The following PLEKHM3 variants were observed in gnomAD, a reference collection of about 807,000 sequenced individuals.
PLEKHM3 encodes pleckstrin homology domain-containing family M member 3.
Under a neutral mutation model 81.8 loss-of-function variants are expected in PLEKHM3, and 45 were observed. That is an observed-to-expected ratio of 0.55 (90% confidence interval 0.43 to 0.71). The LOEUF (loss-of-function observed/expected upper bound fraction) is 0.71. Among genes scored for constraint, PLEKHM3 ranks in the 30% least tolerant of loss-of-function variants. The pLI is 0.00. For synonymous variants in PLEKHM3, 352 were observed against 356.4 expected, an observed-to-expected ratio of 0.99 and a Z score of 0.14; for missense variants, 788 against 924.3, an observed-to-expected ratio of 0.85 and a Z score of 1.91.
At chr2:208,011,064 C>CAAAAAAAA (rs10587149) in intron 1 of PLEKHM3, among the ~76,000 whole-genome samples, 28 of 64,986 alleles carry the variant, frequency 4.3e-4, no homozygotes, top group East Asian at 9.7e-4. Flanking sequence ...TGGCCATAAT[C>CAAAAAAAA]AAAAAAAAAA....
intron 5 of PLEKHM3, among the ~76,000 whole-genome samples, chr2:207,909,142 T>A (rs533864902): frequency 6.6e-6 from 1 of 152,200 alleles, no homozygotes; most frequent in Non-Finnish European, 1.5e-5. Context: ...TGTACAGTGA[T>A]GGCAATTTTA....
At chr2:207,972,804 G>A (rs372091955) in intron 3 of PLEKHM3, among the ~76,000 whole-genome samples, 13 of 152,042 alleles carry the variant, frequency 8.6e-5, no homozygotes, top group African/African-American at 2.9e-4. Context: ...ATTTTTTTCT[G>A]CAGGGCTGTT....
At chr2:207,861,821 G>A (rs2092469026) in intron 6 of PLEKHM3, among the ~76,000 whole-genome samples, 1 of 152,062 alleles carries the variant, frequency 6.6e-6, no homozygotes, top group African/African-American at 2.4e-5. Context: ...CAGCCTGTAG[G>A]TTTTTTTCTT....
At chr2:207,946,094 T>TA (rs1442168252) in intron 4 of PLEKHM3, among the ~76,000 whole-genome samples, 1 of 152,150 alleles carries the variant, frequency 6.6e-6, no homozygotes, top group Non-Finnish European at 1.5e-5. Flanking sequence ...TAAAAAATAA[T>TA]AAAAGAGGCT....
At chr2:207,860,956 G>A (rs2092464091) in intron 7 of PLEKHM3, 149 bp downstream of exon 7, 4 of 882,338 alleles carry the variant, frequency 4.5e-6, no homozygotes, top group Non-Finnish European at 5.1e-6. Flanking sequence ...GAAACCAAAG[G>A]GGGAAACATG....
chr2:207,865,796 AAAAAAAGATATATATATATATAT>A (rs2092493828), intron 6 of PLEKHM3, among the ~76,000 whole-genome samples: 1 of 45,444 alleles, frequency 2.2e-5, no homozygotes, highest in African/African-American at 1.1e-4. Flanking sequence ...AAAAAAAAAA[AAAAAAAGATATATATATATATAT>A]ATATATATAT....
Position 207,843,607 on chromosome 2 carries a change from C to T in PLEKHM3, c.2109-15111G>A, listed in dbSNP as rs1317896278. ...CACCGAAGAGGTTGTTACCTCAGGCCTCTGAGCTCATTCCACGCTGCCTCC... is the reference window on the plus strand; with the variant it reads ...CACCGAAGAGGTTGTTACCTCAGGCTTCTGAGCTCATTCCACGCTGCCTCC... On this transcript the variant is annotated intron_variant, in intron 7 of 7. Transcript: ENST00000427836. This position sits in a 1 kb window ranked among gnomAD's most constrained non-coding sequence, Gnocchi z 4.4. Among the ~76,000 whole-genome samples, 1 of 152,128 alleles carries T rather than the reference C, an allele frequency of 6.6e-6. No individual in the cohort carries two copies. The highest frequency in any genetic ancestry group is 1.5e-5 in the Non-Finnish European group (1 of 68,036).
chr2:207,946,281 T>C (rs1559250139), intron 4 of PLEKHM3, 86 bp downstream of exon 4: 1 of 1,449,380 alleles, frequency 6.9e-7, no homozygotes, highest in African/African-American at 1.4e-5. Flanking sequence ...TGCTTCAAAT[T>C]GTTTGATCAC....
At chr2:207,834,150 CAG>C (rs2092304253) in intron 7 of PLEKHM3, among the ~76,000 whole-genome samples, 1 of 138,718 alleles carries the variant, frequency 7.2e-6, no homozygotes, top group Non-Finnish European at 1.5e-5. Context: ...TTTTTTGAGA[CAG>C]AGTTTTTGCT....
At chr2:208,023,621 G>A (rs2106137543) in intron 1 of PLEKHM3, among the ~76,000 whole-genome samples, 1 of 152,210 alleles carries the variant, frequency 6.6e-6, no homozygotes, top group Non-Finnish European at 1.5e-5. Flanking sequence ...GATCTAGGTT[G>A]CACGCTCCTT....
At chr2:207,935,001 A>T (rs920012400) in intron 4 of PLEKHM3, among the ~76,000 whole-genome samples, 40 of 152,346 alleles carry the variant, frequency 2.6e-4, no homozygotes, top group African/African-American at 9.4e-4. Context: ...TGGAGACGAC[A>T]TGGTATTATG....
intron 7 of PLEKHM3, among the ~76,000 whole-genome samples, chr2:207,835,666 T>C (rs879312774): frequency 1.3e-5 from 2 of 152,210 alleles, no homozygotes; most frequent in Admixed American, 6.5e-5. Flanking sequence ...TTTATTTGCA[T>C]TGATTAATCA....
chr2:208,003,192 T>G (rs1163378183), intron 1 of PLEKHM3, among the ~76,000 whole-genome samples: 1 of 152,228 alleles, frequency 6.6e-6, no homozygotes, highest in African/African-American at 2.4e-5. Context: ...CAAGTTCTTC[T>G]CTTGTCTGCT....
At chr2:207,845,145 G>T (rs1040661721) in intron 7 of PLEKHM3, among the ~76,000 whole-genome samples, 1 of 152,098 alleles carries the variant, frequency 6.6e-6, no homozygotes, top group Admixed American at 6.6e-5. Context: ...TTCTGCAGGG[G>T]CTTAGTAAAA....
intron 4 of PLEKHM3, among the ~76,000 whole-genome samples, chr2:207,934,576 A>T (rs555693909): frequency 2.5e-4 from 38 of 152,336 alleles, no homozygotes; most frequent in African/African-American, 9.1e-4. Context: ...TTGTGAACTG[A>T]TTCTTTCTTC....
rs1424481079 is a variant in PLEKHM3 at position 208,001,080 on chromosome 2, G to A, written c.560C>T (p.Ser187Phe). The A allele has an allele frequency of 6.4e-7, 1 of 1,568,888 alleles. No individual in the cohort carries two copies. The highest frequency in any genetic ancestry group is 8.6e-7 in the Non-Finnish European group (1 of 1,156,744). ...CTTATTTGGTGAGGGCAACAGAAAA[G>A]ATGGCCTGGTGACATGCGGGCCTTG... Reference protein sequence around the residue: ...LLQGPHVTRPSFLLPSPNKIE... With the variant: ...LLQGPHVTRPFFLLPSPNKIE... The change falls in exon 2 of 8, where the codon TCT becomes TTT. Residue 187 changes from serine (S) to phenylalanine (F), a missense_variant. By Grantham distance (155) the Ser-to-Phe change is radical (BLOSUM62 -2). Coordinates refer to ENST00000427836, the MANE Select transcript of PLEKHM3 (RefSeq NM_001080475.3).
Position 207,828,477 on chromosome 2 carries a change from C to A in PLEKHM3, c.2128G>T (p.Val710Phe), listed in dbSNP as rs768702230. The change falls in exon 8 of 8, where the codon GTT becomes TTT. Residue 710 changes from valine (V) to phenylalanine (F), a missense_variant. Transcript: ENST00000427836. ...TTTTCTTTGCATTCAGAATGGAAAA[C>A]GGCTCCACAGCTTTCACACCTGCAA... ...STSRCESCGA[V>F]FHSECKEKSV... 1 of 1,613,854 alleles carries A rather than the reference C, an allele frequency of 6.2e-7. No individual in the cohort carries two copies. Among genetic ancestry groups the A allele is most frequent in the East Asian group, 2.2e-5 (1 of 44,874 alleles).
chr2:207,969,765 C>T (rs1360140235), intron 3 of PLEKHM3, among the ~76,000 whole-genome samples: 1 of 152,170 alleles, frequency 6.6e-6, no homozygotes, highest in African/African-American at 2.4e-5. Flanking sequence ...AGATTTTATC[C>T]TCGGGTAATT....
intron 1 of PLEKHM3, among the ~76,000 whole-genome samples, chr2:208,012,080 C>T (rs972038855): frequency 2.0e-5 from 3 of 151,936 alleles, no homozygotes; most frequent in Non-Finnish European, 4.4e-5. Flanking sequence ...CTCGCTCTGT[C>T]GCCCAGGCTG....
Sources: gnomAD v4.1 joint callset for allele counts (sites outside exome capture counted in the v4.1 genomes callset) on GRCh38, gnomAD v4.1.1 for gene constraint, Gnocchi (gnomAD v3.1) non-coding constraint, MANE v1.5 for transcripts, NCBI Gene and HGNC (gene_info 2026-07-23, HGNC 2026-07-21) for gene names.